The following FSTL4 variants were observed in gnomAD, a reference collection of about 807,000 sequenced individuals.
FSTL4 encodes follistatin like 4.
FSTL4 carries 28 observed loss-of-function variants against 78.2 expected under a neutral mutation model. The observed-to-expected ratio is 0.36, with a 90% CI of 0.27 to 0.49. FSTL4 has a LOEUF of 0.49. Among genes scored for constraint, FSTL4 ranks in the 20% least tolerant of loss-of-function variants. FSTL4 has a pLI of 0.98. For missense variants in FSTL4, 922 were observed against 1,084.9 expected, an observed-to-expected ratio of 0.85 and a Z score of 2.11; for synonymous variants, 422 against 440.5, an observed-to-expected ratio of 0.96 and a Z score of 0.53.
intron 2 of FSTL4, among the ~76,000 whole-genome samples, chr5:133,572,958 G>A (rs145534250): frequency 4.6e-5 from 7 of 152,248 alleles, no homozygotes; most frequent in Admixed American, 4.6e-4. Flanking sequence ...AAAACACAAG[G>A]ATTGGGCTGG....
intron 2 of FSTL4, among the ~76,000 whole-genome samples, chr5:133,591,618 T>C (rs1760628791): frequency 6.6e-6 from 1 of 152,048 alleles, no homozygotes; most frequent in South Asian, 2.1e-4. Context: ...TCTGGGAAGA[T>C]ATTTCCCCAA....
intron 2 of FSTL4, among the ~76,000 whole-genome samples, chr5:133,567,972 T>C (rs967679202): frequency 1.3e-5 from 2 of 152,216 alleles, no homozygotes; most frequent in Admixed American, 6.5e-5. Context: ...ATACCAGCAT[T>C]TCACATTCCA....
chr5:133,499,229 C>T (rs561380674), intron 3 of FSTL4, among the ~76,000 whole-genome samples: 5 of 152,220 alleles, frequency 3.3e-5, no homozygotes, highest in Admixed American at 6.5e-5. Flanking sequence ...GTCTAATGTC[C>T]TGGGATGGCT....
chr5:133,272,215 A>G (rs1283074361), intron 6 of FSTL4, among the ~76,000 whole-genome samples: 1 of 152,260 alleles, frequency 6.6e-6, no homozygotes, highest in East Asian at 1.9e-4. Flanking sequence ...CATTTCAGTT[A>G]AAAACAGGGA....
the FSTL4 span, among the ~76,000 whole-genome samples, chr5:133,707,894 G>A: frequency 2.0e-5 from 3 of 152,076 alleles, no homozygotes; most frequent in African/African-American, 4.8e-5. Flanking sequence ...CTTGAGGCCC[G>A]GGCACTGGGG....
At chr5:133,752,759 T>C in the FSTL4 span, among the ~76,000 whole-genome samples, 9 of 152,234 alleles carry the variant, frequency 5.9e-5, no homozygotes, top group African/African-American at 1.7e-4. Flanking sequence ...GCAGGGGTCA[T>C]AGGGGGCAGG....
At chr5:133,541,145 G>T (rs564418048) in intron 3 of FSTL4, among the ~76,000 whole-genome samples, 61 of 152,312 alleles carry the variant, frequency 4.0e-4, no homozygotes, top group Non-Finnish European at 7.6e-4. Context: ...ACAAAACGTA[G>T]TGACTTAAAA....
chr5:133,660,960 G>A, the FSTL4 span, among the ~76,000 whole-genome samples: 1 of 151,496 alleles, frequency 6.6e-6, no homozygotes, highest in Non-Finnish European at 1.5e-5. Context: ...TAGCTTTAGA[G>A]ACAGCCAACT....
the FSTL4 span, among the ~76,000 whole-genome samples, chr5:133,655,999 G>C: frequency 6.6e-6 from 1 of 152,142 alleles, no homozygotes; most frequent in Non-Finnish European, 1.5e-5. Context: ...CCCAGAGCCC[G>C]CCCTCCAGGT....
the FSTL4 span, among the ~76,000 whole-genome samples, chr5:133,805,882 A>T: frequency 6.6e-6 from 1 of 152,132 alleles, no homozygotes; most frequent in Non-Finnish European, 1.5e-5. Flanking sequence ...CAGTGTCATC[A>T]TCTCTATGTG....
intron 3 of FSTL4, among the ~76,000 whole-genome samples, chr5:133,436,261 T>C (rs981667758): frequency 5.3e-5 from 8 of 152,148 alleles, no homozygotes; most frequent in African/African-American, 1.2e-4. Flanking sequence ...TTTGGTGGAA[T>C]TGGCTCAGGA....
chr5:133,456,167 A>C (rs1418061172), intron 3 of FSTL4, among the ~76,000 whole-genome samples: 1 of 152,138 alleles, frequency 6.6e-6, no homozygotes, highest in Non-Finnish European at 1.5e-5. Flanking sequence ...CTCTTGGAGG[A>C]GCTCCTCAGG....
chr5:133,638,523 C>T, the FSTL4 span, among the ~76,000 whole-genome samples: 10 of 152,138 alleles, frequency 6.6e-5, no homozygotes, highest in African/African-American at 1.2e-4. Context: ...CAGGCATGCT[C>T]CTGCCTAAGG....
chr5:133,431,206 C>A (rs967973800), intron 3 of FSTL4, among the ~76,000 whole-genome samples: 4 of 152,212 alleles, frequency 2.6e-5, no homozygotes, highest in Non-Finnish European at 5.9e-5. Context: ...CACATCACTC[C>A]AGGCAGCCAC....
At chr5:133,521,840 A>G (rs1209469274) in intron 3 of FSTL4, among the ~76,000 whole-genome samples, 1 of 152,150 alleles carries the variant, frequency 6.6e-6, no homozygotes, top group Non-Finnish European at 1.5e-5. Flanking sequence ...GAAAGCCGCT[A>G]GATGTTTTCA....
chr5:133,473,791 A>G (rs750374712), intron 3 of FSTL4, among the ~76,000 whole-genome samples: 4 of 152,188 alleles, frequency 2.6e-5, no homozygotes, highest in Non-Finnish European at 5.9e-5. Context: ...ATCATGGTAG[A>G]AGGCACCTCT....
intron 7 of FSTL4, 88 bp downstream of exon 7, chr5:133,249,322 C>G: frequency 9.7e-7 from 1 of 1,035,932 alleles, no homozygotes; most frequent in Non-Finnish European, 1.5e-6. Flanking sequence ...CTAAAACTCT[C>G]CCGTCCTGCC....
upstream of FSTL4, among the ~76,000 whole-genome samples, chr5:133,613,742 C>T (rs1290455011): frequency 6.6e-6 from 1 of 152,206 alleles, no homozygotes; most frequent in Non-Finnish European, 1.5e-5. Flanking sequence ...CCAATCGTAT[C>T]TCTACTGTAG....
At chr5:133,798,765 T>A in the FSTL4 span, among the ~76,000 whole-genome samples, 1 of 152,072 alleles carries the variant, frequency 6.6e-6, no homozygotes, top group African/African-American at 2.4e-5. Context: ...CCTACAGCCC[T>A]GTACTCCCCA....
Sources: allele counts gnomAD v4.1 joint callset (sites outside exome capture counted in the v4.1 genomes callset), GRCh38; gene constraint gnomAD v4.1.1; transcripts MANE v1.5; gene names NCBI Gene and HGNC (gene_info 2026-07-23, HGNC 2026-07-21).